The following SUMF1 variants were observed in gnomAD, a reference collection of about 807,000 sequenced individuals.
The protein encoded by SUMF1 is formylglycine-generating enzyme.
A neutral mutation model predicts 47.6 loss-of-function variants in SUMF1; 48 were observed. The ratio of observed to expected loss-of-function variants is 1.01; its 90% CI spans 0.80 to 1.28. The LOEUF (loss-of-function observed/expected upper bound fraction) is 1.28, where lower values mean the gene tolerates loss of function less well. Among genes scored for constraint, SUMF1 ranks in the 50% most tolerant of loss-of-function variants. The pLI is 0.00. For synonymous variants in SUMF1, 230 were observed against 192.1 expected, an observed-to-expected ratio of 1.20 and a Z score of -1.63; for missense variants, 571 against 485.4, an observed-to-expected ratio of 1.18 and a Z score of -1.66.
intron 9 of SUMF1, among the ~76,000 whole-genome samples, chr3:4,051,023 C>A (rs1368354582): frequency 2.0e-5 from 3 of 151,866 alleles, no homozygotes; most frequent in Non-Finnish European, 2.9e-5. Context: ...TGATTGTCTA[C>A]CCGCTAAAAT....
In SUMF1 at chr3:4,445,488, C is replaced by T. The variant is rs568539676; in HGVS notation, c.519+3778G>A. 3.3e-5 allele frequency among the ~76,000 whole-genome samples: 5 copies of T among 152,214 alleles called. No homozygotes were observed. In the South Asian group the frequency reaches 1.0e-3, roughly 32 times the overall value. On this transcript the variant is annotated intron_variant, in intron 3 of 8. Transcript: ENST00000272902. ...AAGTAGCTAGGACTATGAACACATGCTACCATACCTGGCTAATTTTTTGTA... is the reference window on the plus strand; with the variant it reads ...AAGTAGCTAGGACTATGAACACATGTTACCATACCTGGCTAATTTTTTGTA...
chr3:4,319,045 TTAAAAC>T (rs1424113681), intron 8 of SUMF1, among the ~76,000 whole-genome samples: 1 of 152,178 alleles, frequency 6.6e-6, no homozygotes, highest in African/African-American at 2.4e-5. Flanking sequence ...GAATTGCAAT[TTAAAAC>T]TATAAGTTAT....
At chr3:4,334,888 C>A (rs1312058484) in intron 8 of SUMF1, among the ~76,000 whole-genome samples, 3 of 152,148 alleles carry the variant, frequency 2.0e-5, no homozygotes, top group Non-Finnish European at 4.4e-5. Context: ...TTAGGCTAGC[C>A]TTTGTCCTGT....
In SUMF1 at chr3:4,130,804, G is replaced by A. The variant is rs537195638; in HGVS notation, c.1015-62059C>T. 5.3e-5 allele frequency among the ~76,000 whole-genome samples: 8 copies of A among 152,178 alleles called. No homozygotes were observed. In the East Asian group the frequency reaches 5.8e-4, roughly 11 times the overall value. ...GGTGTATCACTCTGGCCCATTTATC[G>A]AGTGATCCAAAGGCTACCAGTTTTG... On this transcript the variant is annotated intron_variant and NMD_transcript_variant, in intron 8 of 12. Transcript: ENST00000448413.
intron 8 of SUMF1, among the ~76,000 whole-genome samples, chr3:4,371,853 G>C (rs1700178635): frequency 6.6e-6 from 1 of 152,308 alleles, no homozygotes; most frequent in African/African-American, 2.4e-5. Flanking sequence ...TTTATAAATG[G>C]TGGATCCAAG....
chr3:4,331,997 A>G (rs558568234), intron 8 of SUMF1, among the ~76,000 whole-genome samples: 2 of 152,280 alleles, frequency 1.3e-5, no homozygotes, highest in African/African-American at 2.4e-5. Flanking sequence ...GACTTTTTTT[A>G]TTTTACCAAT....
chr3:4,338,684 G>A (rs1490250118), intron 8 of SUMF1, among the ~76,000 whole-genome samples: 1 of 152,022 alleles, frequency 6.6e-6, no homozygotes, highest in East Asian at 1.9e-4. Context: ...AAATTTGAAT[G>A]ACAGAGTCTA....
At chr3:4,130,478 C>G (rs1170864613) in intron 8 of SUMF1, among the ~76,000 whole-genome samples, 1 of 152,160 alleles carries the variant, frequency 6.6e-6, no homozygotes, top group African/African-American at 2.4e-5. Flanking sequence ...TGCAAGATAT[C>G]ACAGTGGACC....
intron 8 of SUMF1, among the ~76,000 whole-genome samples, chr3:4,258,272 TAAACTA>T (rs1229599435): frequency 6.8e-6 from 1 of 147,688 alleles, no homozygotes; most frequent in Non-Finnish European, 1.5e-5. Flanking sequence ...GGGATCTAAT[TAAACTA>T]AAGAGCTTCT....
At chr3:4,057,057 T>C (rs916994208) in intron 9 of SUMF1, among the ~76,000 whole-genome samples, 5 of 152,148 alleles carry the variant, frequency 3.3e-5, no homozygotes, top group African/African-American at 1.2e-4. Flanking sequence ...TGATCCATAA[T>C]TTTTACAACA....
At chr3:4,203,213 G>T (rs979180101) in intron 8 of SUMF1, among the ~76,000 whole-genome samples, 7 of 151,844 alleles carry the variant, frequency 4.6e-5, no homozygotes, top group African/African-American at 7.2e-5. Flanking sequence ...CTATTGTATT[G>T]GGGTCTATCT....
At chr3:4,270,736 GA>G (rs1259622757) in intron 8 of SUMF1, among the ~76,000 whole-genome samples, 1 of 152,116 alleles carries the variant, frequency 6.6e-6, no homozygotes, top group Non-Finnish European at 1.5e-5. Context: ...TCTGGAATGG[GA>G]TATTTCCTGG....
chr3:4,096,888 T>C (rs1692917765), intron 8 of SUMF1, among the ~76,000 whole-genome samples: 2 of 152,080 alleles, frequency 1.3e-5, no homozygotes, highest in Admixed American at 1.3e-4. Context: ...GGCTCAGTGT[T>C]CCCAAATCTT....
Position 4,120,429 on chromosome 3 carries a change from T to C in SUMF1, c.1015-51684A>G, listed in dbSNP as rs187195219. Reference sequence around the variant, plus strand: ...AGGATACACACTTTACAAAAAGATATTTCAAAGAAGTAATCTTGGGCAGCT... The same window carrying C: ...AGGATACACACTTTACAAAAAGATACTTCAAAGAAGTAATCTTGGGCAGCT... On this transcript the variant is annotated intron_variant and NMD_transcript_variant, in intron 8 of 12. Transcript: ENST00000448413. Among the ~76,000 whole-genome samples the C allele has an allele frequency of 5.3e-5, 8 of 152,290 alleles. No homozygotes were observed. The East Asian group carries it at 1.5e-3, about 29-fold the overall frequency.
rs750170847 is a variant in SUMF1, at chr3:4,467,025, G to C, written c.221C>G (p.Ala74Gly). ...TCCGGGTACGGGGCCCGGAGCGTTAGCCTCCCGCGAGTATCGGTGAGCGGC... is the reference window on the plus strand; with the variant it reads ...TCCGGGTACGGGGCCCGGAGCGTTACCCTCCCGCGAGTATCGGTGAGCGGC... ...SAAAHRYSRE[A>G]NAPGPVPGER... Residue 74 changes from alanine (A) to glycine (G), a missense_variant, in exon 1 of 9, where the codon GCT becomes GGT. By Grantham distance (60) the Ala-to-Gly change is moderately conservative. Transcript: ENST00000272902. 1.3e-6 allele frequency: 2 copies of C among 1,587,318 alleles called. No homozygotes were observed. The highest frequency in any genetic ancestry group is 1.1e-5 in the South Asian group (1 of 87,632).
At chr3:4,417,592 G>A (rs1470560075) in intron 5 of SUMF1, among the ~76,000 whole-genome samples, 3 of 152,148 alleles carry the variant, frequency 2.0e-5, no homozygotes, top group Admixed American at 2.0e-4. Context: ...TATAAAGCCT[G>A]GGCTATTTTA....
At chr3:4,147,539 C>T (rs186256093) in intron 8 of SUMF1, among the ~76,000 whole-genome samples, 4 of 152,084 alleles carry the variant, frequency 2.6e-5, no homozygotes, top group East Asian at 1.9e-4. Flanking sequence ...GTACCAGAGC[C>T]GAGATAATAA....
chr3:4,107,117 C>T (rs535405916), intron 8 of SUMF1, among the ~76,000 whole-genome samples: 7 of 152,100 alleles, frequency 4.6e-5, no homozygotes, highest in South Asian at 4.2e-4. Flanking sequence ...AGGAGCTTCA[C>T]GGACAAGCAG....
rs1698437065 is a variant in SUMF1 at position 4,312,306 on chromosome 3, C to T, written c.1014+64024G>A. On this transcript the variant is annotated intron_variant and NMD_transcript_variant, in intron 8 of 12. Transcript: ENST00000448413. ...GCTAAGGATAAAATGCTTAACTGTA[C>T]TCAGACACTAAATTCAGCACTGAGT... is the stretch of plus-strand genomic sequence containing the variant. Among the ~76,000 whole-genome samples, 5 of 152,014 alleles carry T rather than the reference C, an allele frequency of 3.3e-5. No homozygotes were observed. The South Asian group carries it at 1.0e-3, about 31-fold the overall frequency.
Sources: gnomAD v4.1 joint callset for allele counts (sites outside exome capture counted in the v4.1 genomes callset) on GRCh38, gnomAD v4.1.1 for gene constraint, MANE v1.5 for transcripts, NCBI Gene and HGNC (gene_info 2026-07-23, HGNC 2026-07-21) for gene names.